The following SBF2 variants were observed in gnomAD, a reference collection of about 807,000 sequenced individuals.
SBF2 encodes the protein myotubularin-related protein 13.
In SBF2, 112 loss-of-function variants were observed where a neutral mutation model predicts 225.2. That is an observed-to-expected ratio of 0.50 (90% CI 0.43 to 0.58). SBF2 has a LOEUF of 0.58. SBF2 is among the 20% of genes least tolerant of loss of function. The pLI is 0.00. For synonymous variants in SBF2, 763 were observed against 773.3 expected (o/e 0.99, Z 0.22); for missense variants, 1,996 against 2,206.2 (o/e 0.90, Z 1.91).
chr11:10,046,878 A>G (rs1220271898), intron 2 of SBF2, among the ~76,000 whole-genome samples: 1 of 124,322 alleles, frequency 8.0e-6, no homozygotes, highest in East Asian at 2.2e-4. Flanking sequence ...ATCTGAAAGG[A>G]CAAAAAAAAA....
chr11:10,086,065 T>C (rs531691100), intron 2 of SBF2, among the ~76,000 whole-genome samples: 6 of 148,580 alleles, frequency 4.0e-5, no homozygotes, highest in African/African-American at 7.4e-5. Flanking sequence ...GTGTGTGTTC[T>C]AACCTGCCTT....
At chr11:10,071,298 A>C (rs1590887768) in intron 2 of SBF2, among the ~76,000 whole-genome samples, 3 of 112,016 alleles carry the variant, frequency 2.7e-5, no homozygotes, top group African/African-American at 7.1e-5. Flanking sequence ...AGGGAGTCTC[A>C]CTCTGTCACC....
At chr11:10,186,254 T>C (rs1369636856) in intron 2 of SBF2, among the ~76,000 whole-genome samples, 2 of 152,124 alleles carry the variant, frequency 1.3e-5, no homozygotes, top group East Asian at 1.9e-4. Flanking sequence ...AGTGTGTTCA[T>C]TGGGCAAGCA....
intron 2 of SBF2, among the ~76,000 whole-genome samples, chr11:10,063,607 T>A (rs1317749732): frequency 6.6e-6 from 1 of 151,562 alleles, no homozygotes; most frequent in Non-Finnish European, 1.5e-5. Context: ...TCTGCCTGAG[T>A]CGGCCTCCCA....
Position 9,856,681 on chromosome 11 carries a change from T to C in SBF2, c.2140A>G (p.Met714Val). The change falls in exon 19 of 40, where the codon ATG becomes GTG. Residue 714 changes from methionine (M) to valine (V), a missense_variant. Met to Val is a conservative substitution (Grantham distance 21, BLOSUM62 1). Transcript: ENST00000256190. Reference protein sequence around the residue: ...PDDHYQEKTAMDLAAEQLRLW... With the variant: ...PDDHYQEKTAVDLAAEQLRLW... ...CGTAGTTGCTCAGCTGCCAGGTCCA[T>C]TGCTGTCTTCTCCTGATAATGGTCA... 1.9e-6 allele frequency: 3 copies of C among 1,614,172 alleles called. No homozygotes were observed. Among genetic ancestry groups the C allele is most frequent in the East Asian group, 2.2e-5 (1 of 44,888 alleles).
chr11:9,976,217 G>T (rs1472818923), intron 13 of SBF2, among the ~76,000 whole-genome samples: 1 of 151,812 alleles, frequency 6.6e-6, no homozygotes, highest in African/African-American at 2.4e-5. Flanking sequence ...GGGATTACAG[G>T]CACATGCCAC....
intron 2 of SBF2, among the ~76,000 whole-genome samples, chr11:10,043,600 G>C (rs1043777828): frequency 6.6e-6 from 1 of 151,852 alleles, no homozygotes; most frequent in Non-Finnish European, 1.5e-5. Flanking sequence ...TTTGAGATAG[G>C]GTCTTGTTTC....
intron 28 of SBF2, among the ~76,000 whole-genome samples, chr11:9,823,966 C>T (rs1412256156): frequency 6.6e-6 from 1 of 152,160 alleles, no homozygotes; most frequent in East Asian, 1.9e-4. Context: ...ACCATAATGA[C>T]AAGCACCTGG....
intron 3 of SBF2, among the ~76,000 whole-genome samples, chr11:10,035,507 T>G (rs1339823002): frequency 6.6e-6 from 1 of 152,114 alleles, no homozygotes; most frequent in Non-Finnish European, 1.5e-5. Flanking sequence ...AATTTTGCAA[T>G]CTACCCATCT....
chr11:10,145,884 TAC>T (rs1257185434), intron 2 of SBF2, among the ~76,000 whole-genome samples: 2 of 152,146 alleles, frequency 1.3e-5, no homozygotes, highest in African/African-American at 4.8e-5. Flanking sequence ...AGTTTCAGGA[TAC>T]AATATCAACA....
chr11:9,956,980 A>C (rs901957871), intron 16 of SBF2: 2 of 152,188 alleles, frequency 1.3e-5, no homozygotes, highest in African/African-American at 4.8e-5. Flanking sequence ...AATTACTTAG[A>C]AACTCTACAG....
At chr11:9,874,146 A>C (rs1050428641) in intron 17 of SBF2, among the ~76,000 whole-genome samples, 1 of 152,158 alleles carries the variant, frequency 6.6e-6, no homozygotes, top group African/African-American at 2.4e-5. Flanking sequence ...TATTATTACT[A>C]TCTTAGAGAC....
chr11:10,196,837 A>ATAT (rs1957372454), intron 1 of SBF2, among the ~76,000 whole-genome samples: 1 of 83,520 alleles, frequency 1.2e-5, no homozygotes. Flanking sequence ...TTCTTGCATA[A>ATAT]ATATATATAT....
intron 29 of SBF2, among the ~76,000 whole-genome samples, chr11:9,815,281 TAAAAA>T (rs35464212): frequency 9.3e-5 from 4 of 42,802 alleles, no homozygotes; most frequent in Non-Finnish European, 1.2e-4. Context: ...CTACTAAAAC[TAAAAA>T]AAAAAAAAAA....
At chr11:9,830,612 C>A (rs1170345409) in intron 27 of SBF2, among the ~76,000 whole-genome samples, 4 of 151,316 alleles carry the variant, frequency 2.6e-5, no homozygotes, top group Admixed American at 2.6e-4. Flanking sequence ...TAGTGGCGGG[C>A]GCCTGTAATC....
intron 33 of SBF2, among the ~76,000 whole-genome samples, chr11:9,792,831 C>T (rs576332086): frequency 2.6e-5 from 4 of 151,972 alleles, no homozygotes; most frequent in African/African-American, 9.7e-5. Context: ...CGGCTCACTG[C>T]AGCCTTGACC....
At chr11:10,152,319 G>A (rs1303103349) in intron 2 of SBF2, among the ~76,000 whole-genome samples, 1 of 152,168 alleles carries the variant, frequency 6.6e-6, no homozygotes, top group Non-Finnish European at 1.5e-5. Flanking sequence ...GGGAGGCCAA[G>A]GTGGGCAGAT....
At chr11:10,133,327 C>T (rs1954170953) in intron 2 of SBF2, among the ~76,000 whole-genome samples, 1 of 149,422 alleles carries the variant, frequency 6.7e-6, no homozygotes, top group South Asian at 2.1e-4. Flanking sequence ...CTTGGGTGGT[C>T]GATGGGACTG....
intron 10 of SBF2, among the ~76,000 whole-genome samples, chr11:9,993,514 A>G (rs1244300276): frequency 1.3e-5 from 2 of 152,228 alleles, no homozygotes; most frequent in Admixed American, 1.3e-4. Flanking sequence ...AACTATTTTC[A>G]TCCACAGACT....
Sources: allele counts gnomAD v4.1 joint callset (sites outside exome capture counted in the v4.1 genomes callset), GRCh38; gene constraint gnomAD v4.1.1; transcripts MANE v1.5; gene names NCBI Gene and HGNC (gene_info 2026-07-23, HGNC 2026-07-21).